DOCK2: variants seen among roughly 807,000 people sequenced by gnomAD.
The protein encoded by DOCK2 is dedicator of cytokinesis protein 2.
Under a neutral mutation model 248.9 loss-of-function variants are expected in DOCK2, and 87 were observed. The observed-to-expected ratio is 0.35, with a 90% CI of 0.29 to 0.42. The LOEUF (loss-of-function observed/expected upper bound fraction) is 0.42. Ranked by LOEUF, DOCK2 falls within the 10% of genes least tolerant of loss-of-function variation. The pLI, the probability that DOCK2 is intolerant of heterozygous loss-of-function variation, is 1.00. For missense variants in DOCK2, 1,747 were observed against 2,300.2 expected, an observed-to-expected ratio of 0.76 and a Z score of 4.92; for synonymous variants, 805 against 821.6, an observed-to-expected ratio of 0.98 and a Z score of 0.35.
Position 170,034,530 on chromosome 5 carries a change from G to T in DOCK2, c.3599G>T (p.Arg1200Leu). ...GVMTDESKDNRMSCTVNLLNF... is the reference protein window; with the variant it reads ...GVMTDESKDNLMSCTVNLLNF... ...ATGACAGATGAGAGCAAAGACAACC[G>T]CATGAGCTGCACCGTGAACCTGCTG... Residue 1200 changes from arginine (R) to leucine (L), a missense_variant, in exon 35 of 52, where the codon CGC (arginine) becomes CTC (leucine). Physicochemically the swap from Arg to Leu is moderately radical, Grantham distance 102. Around this residue, in one of 4 missense-constraint regions of DOCK2, gnomAD observed 858 missense variants for 1,183.5 expected, o/e 0.72. Coordinates refer to ENST00000520908, the MANE Select transcript of DOCK2 (RefSeq NM_004946.3). The T allele has an allele frequency of 6.2e-7, 1 of 1,614,106 alleles. No homozygotes were observed. Among genetic ancestry groups the T allele is most frequent in the Non-Finnish European group, 8.5e-7 (1 of 1,179,992 alleles).
At chr5:169,901,444 C>T (rs533338915) in intron 27 of DOCK2, among the ~76,000 whole-genome samples, 3 of 151,906 alleles carry the variant, frequency 2.0e-5, no homozygotes, top group South Asian at 2.1e-4. Flanking sequence ...GGCATGCATG[C>T]GTGCATGTGT....
At chr5:170,023,356 G>A (rs139144647) in intron 33 of DOCK2, among the ~76,000 whole-genome samples, 14 of 152,288 alleles carry the variant, frequency 9.2e-5, no homozygotes, top group South Asian at 6.2e-4. Flanking sequence ...GCATCTTGGC[G>A]TGGAGTAAGC....
chr5:169,744,384 C>T (rs763367043), intron 22 of DOCK2, among the ~76,000 whole-genome samples: 8 of 152,184 alleles, frequency 5.3e-5, no homozygotes, highest in Non-Finnish European at 1.2e-4. Context: ...AAGTCACTTG[C>T]CCTCTCTGGC....
At chr5:169,811,483 A>T (rs150829975) in intron 26 of DOCK2, among the ~76,000 whole-genome samples, 218 of 152,300 alleles carry the variant, frequency 1.4e-3, no homozygotes, top group Non-Finnish European at 2.0e-3. Flanking sequence ...AGAGCAGCTA[A>T]TTAAGCCCCA....
chr5:169,969,194 C>T (rs770379251), intron 27 of DOCK2, among the ~76,000 whole-genome samples: 1 of 152,030 alleles, frequency 6.6e-6, no homozygotes, highest in African/African-American at 2.4e-5. Flanking sequence ...CCTGTAATCC[C>T]AGCACTTTGG....
At chr5:169,850,941 C>T (rs17670092) in intron 27 of DOCK2, among the ~76,000 whole-genome samples, 18,615 of 152,220 alleles carry the variant, frequency 0.12, 1,260 homozygotes, top group Admixed American at 0.19. Flanking sequence ...GCGAAACTCT[C>T]GTCATTCTGC....
rs1470748984 is a variant in DOCK2 at position 169,695,828 on chromosome 5, G to A, written c.869G>A (p.Arg290Lys). 1.2e-6 allele frequency: 2 copies of A among 1,613,866 alleles called. No homozygotes were observed. The highest frequency in any genetic ancestry group is 1.7e-6 in the Non-Finnish European group (2 of 1,179,936). Residue 290 changes from arginine to lysine, a missense_variant, in exon 10 of 52, where the codon AGG becomes AAG. Coordinates refer to ENST00000520908, the MANE Select transcript of DOCK2 (RefSeq NM_004946.3). ...GATCTTGGAAACAAAGACCTCAACA[G>A]GGATAAAATTTACTTGATTTGTCAA... The part of the protein sequence containing the change: ...FTDLGNKDLN[R>K]DKIYLICQIV...
At chr5:169,845,085 C>T (rs1770224485) in intron 27 of DOCK2, among the ~76,000 whole-genome samples, 1 of 151,236 alleles carries the variant, frequency 6.6e-6, no homozygotes, top group Non-Finnish European at 1.5e-5. Context: ...CCAAACTCAA[C>T]TCATTGCCAG....
intron 25 of DOCK2, among the ~76,000 whole-genome samples, chr5:169,787,940 T>C (rs1038559873): frequency 1.5e-4 from 23 of 151,934 alleles, no homozygotes; most frequent in Admixed American, 6.6e-5. Context: ...TGGGAAATTA[T>C]TTTTTTTGTA....
chr5:169,824,958 AG>A (rs1164616486), intron 26 of DOCK2, among the ~76,000 whole-genome samples: 1 of 152,220 alleles, frequency 6.6e-6, no homozygotes. Flanking sequence ...AAGTGGGCAA[AG>A]GATATGAACA....
At chr5:170,038,709 G>C (rs1756405231) in intron 36 of DOCK2, among the ~76,000 whole-genome samples, 1 of 152,128 alleles carries the variant, frequency 6.6e-6, no homozygotes, top group Non-Finnish European at 1.5e-5. Context: ...TGGTATCCCT[G>C]GTTGAGGGAC....
At position 170,045,863 on chromosome 5, in the gene DOCK2, C is replaced by T. The variant is rs747703876; in HGVS notation, c.3924C>T (p.Tyr1308=). The change falls in exon 39 of 52, where the codon TAC becomes TAT. Residue 1308 remains tyrosine (Y), a synonymous_variant. Transcript: ENST00000520908. ...TGTGCAAGGAGCTGGCGGAACAGTA[C>T]GAGATGGAGATCTTTGACTATGAGC... ...ISLCKELAEQ[Y]EMEIFDYELL... 4.6e-5 allele frequency: 74 copies of T among 1,613,972 alleles called. No individual in the cohort carries two copies. Among genetic ancestry groups the T allele is most frequent in the Admixed American group, 3.0e-4 (18 of 60,002 alleles).
intron 26 of DOCK2, among the ~76,000 whole-genome samples, chr5:169,807,699 T>C (rs1437057113): frequency 6.6e-6 from 1 of 150,898 alleles, no homozygotes; most frequent in East Asian, 2.0e-4. Context: ...CTGGGCGTGG[T>C]GGTGGGCGCC....
At chr5:169,780,447 T>G (rs890161367) in intron 25 of DOCK2, among the ~76,000 whole-genome samples, 8 of 152,178 alleles carry the variant, frequency 5.3e-5, no homozygotes, top group Admixed American at 1.3e-4. Flanking sequence ...CTGGGCCTTG[T>G]GTGCTGGCAG....
rs1284710033 is a variant in DOCK2, at chr5:170,082,666, C to T, written c.5431-130C>T. The T allele has an allele frequency of 5.2e-6, 6 of 1,150,836 alleles. No individual in the cohort carries two copies. The East Asian group carries it at 1.3e-4, about 25-fold the overall frequency. The allele number at this position is 1,150,836 out of a possible 1,614,324, so 71.3% of individuals were successfully genotyped here. A position where few individuals can be genotyped will look rare whatever the true frequency, so the allele number is the denominator to read the frequency against. ...TTTCTGGCCAAAGCCAAGGGCATAG[C>T]AGCTCACATTCACTGGGCTTTGGGC... is the stretch of plus-strand genomic sequence containing the variant. On this transcript the variant is annotated intron_variant, in intron 51 of 51. Transcript: ENST00000520908.
At chr5:169,791,065 ACACTAAACAGGGTT>A (rs1475200889) in intron 25 of DOCK2, among the ~76,000 whole-genome samples, 1 of 152,206 alleles carries the variant, frequency 6.6e-6, no homozygotes, top group Non-Finnish European at 1.5e-5. Context: ...GATCAATCCA[ACACTAAACAGGGTT>A]CTGATTCTGT....
At chr5:170,039,024 C>T (rs540600278) in intron 36 of DOCK2, among the ~76,000 whole-genome samples, 174 of 152,296 alleles carry the variant, frequency 1.1e-3, no homozygotes, top group African/African-American at 3.2e-3. Flanking sequence ...GAACGTTAGG[C>T]GGGAGGAAAG....
chr5:169,741,295 T>G (rs1763289312), intron 22 of DOCK2, among the ~76,000 whole-genome samples: 1 of 152,090 alleles, frequency 6.6e-6, no homozygotes, highest in African/African-American at 2.4e-5. Context: ...ACGAATCCTT[T>G]GCATGCCTAT....
rs76754676 is a variant in DOCK2, at chr5:169,809,798, T to G, written c.2703+6592T>G. Among the ~76,000 whole-genome samples the G allele has an allele frequency of 5.5e-3, 840 of 152,342 alleles. 4 individuals are homozygous for G. The highest frequency in any genetic ancestry group is 0.014 in the Middle Eastern group (4 of 294). ...CACTTGTGCAGCACCCTCTCACTTC[T>G]CACTGCGGCGGAGTGCCGTTCACAC... On this transcript the variant is annotated intron_variant, in intron 26 of 51. Coordinates refer to ENST00000520908, the MANE Select transcript of DOCK2 (RefSeq NM_004946.3).
Sources: allele counts gnomAD v4.1 joint callset (sites outside exome capture counted in the v4.1 genomes callset), GRCh38; gene constraint gnomAD v4.1.1; regional missense constraint gnomAD v4.1.1; transcripts MANE v1.5; gene names NCBI Gene and HGNC (gene_info 2026-07-23, HGNC 2026-07-21).